The following ADGRG5 variants were observed in gnomAD, a reference collection of about 807,000 sequenced individuals.
ADGRG5 encodes the protein G protein-coupled receptor 114.
In ADGRG5, 37 loss-of-function variants were observed where a neutral mutation model predicts 53.2. The ratio of observed to expected loss-of-function variants is 0.70; its 90% CI spans 0.53 to 0.91. The LOEUF (loss-of-function observed/expected upper bound fraction) is 0.91. ADGRG5 is among the 40% of genes least tolerant of loss of function. The pLI is 0.00. For synonymous variants in ADGRG5, 277 were observed against 290.4 expected, an observed-to-expected ratio of 0.95 and a Z score of 0.47; for missense variants, 614 against 675.8, an observed-to-expected ratio of 0.91 and a Z score of 1.01.
At chr16:57,566,787 G>A in intron 7 of ADGRG5, 36 bp downstream of exon 7, 1 of 1,407,904 alleles carries the variant, frequency 7.1e-7, no homozygotes, top group Non-Finnish European at 9.3e-7. Context: ...CAGAGCTACA[G>A]AGGGCCCTGT....
chr16:57,563,926 C>G lies in ADGRG5; in HGVS notation c.376C>G (p.Pro126Ala). ...GACCCGGGACGCCTGCAAGACCCGC[C>G]CCAGGGAGCTGCGGCTCATCTGTAT... is the stretch of plus-strand genomic sequence containing the variant. ...ELTRDACKTR[P>A]RELRLICIYF... is the part of the protein sequence containing the mutation. Residue 126 changes from proline (P) to alanine (A), a missense_variant, in exon 5 of 12, where the codon CCC becomes GCC. By Grantham distance (27) the Pro-to-Ala change is conservative. Coordinates refer to ENST00000349457, the MANE Select transcript of ADGRG5 (RefSeq NM_001304376.3). 6.2e-7 allele frequency: 1 copy of G among 1,614,116 alleles called. No individual in the cohort carries two copies. Among genetic ancestry groups the G allele is most frequent in the Non-Finnish European group, 8.5e-7 (1 of 1,179,978 alleles).
chr16:57,534,983 G>A, the ADGRG5 span, among the ~76,000 whole-genome samples: 2 of 152,208 alleles, frequency 1.3e-5, no homozygotes, highest in Non-Finnish European at 2.9e-5. Flanking sequence ...GCCAGCTGAA[G>A]GGATGGGGAG....
At chr16:57,546,390 C>T (rs975883471) in intron 1 of ADGRG5, among the ~76,000 whole-genome samples, 4 of 152,102 alleles carry the variant, frequency 2.6e-5, no homozygotes, top group South Asian at 2.1e-4. Context: ...CCTACCAAAG[C>T]GCTGAGATTA....
chr16:57,533,694 GCA>G, the ADGRG5 span, among the ~76,000 whole-genome samples: 1 of 148,872 alleles, frequency 6.7e-6, no homozygotes, highest in Non-Finnish European at 1.5e-5. Flanking sequence ...CCAGTAACGT[GCA>G]CACACACACA....
At chr16:57,540,784 T>G (rs1255037509), upstream of ADGRG5, among the ~76,000 whole-genome samples, 1 of 151,944 alleles carries the variant, frequency 6.6e-6, no homozygotes, top group Non-Finnish European at 1.5e-5. Flanking sequence ...CCACCACTGG[T>G]TTTTTGTTTG....
chr16:57,568,984 TCCA>T (rs1293272213), intron 9 of ADGRG5, among the ~76,000 whole-genome samples: 1 of 140,894 alleles, frequency 7.1e-6, no homozygotes, highest in Non-Finnish European at 1.5e-5. Flanking sequence ...CATCACCTCC[TCCA>T]CCTTCATCAT....
intron 7 of ADGRG5, among the ~76,000 whole-genome samples, chr16:57,567,079 G>C (rs1482293979): frequency 2.0e-5 from 3 of 152,170 alleles, no homozygotes; most frequent in Non-Finnish European, 4.4e-5. Flanking sequence ...CTCATGCCCT[G>C]CTAGCTTTCA....
chr16:57,557,268 T>G (rs1177281605), intron 1 of ADGRG5, among the ~76,000 whole-genome samples: 1 of 152,220 alleles, frequency 6.6e-6, no homozygotes, highest in Non-Finnish European at 1.5e-5. Flanking sequence ...TGACAGATTT[T>G]TATTGAAAGA....
At chr16:57,545,054 G>A (rs9931050) in intron 1 of ADGRG5, among the ~76,000 whole-genome samples, 56,579 of 151,870 alleles carry the variant, frequency 0.37, 10,911 homozygotes, top group African/African-American at 0.47. Flanking sequence ...CTGGGATTAA[G>A]GCATGAGCCA....
intron 1 of ADGRG5, among the ~76,000 whole-genome samples, chr16:57,554,242 C>T (rs2032821835): frequency 6.6e-6 from 1 of 151,770 alleles, no homozygotes; most frequent in Admixed American, 6.6e-5. Context: ...GGTCATTGTA[C>T]TTTGTCCTTT....
At chr16:57,563,304 G>C in intron 4 of ADGRG5, 57 bp downstream of exon 4, 1 of 1,487,730 alleles carries the variant, frequency 6.7e-7, no homozygotes, top group South Asian at 1.1e-5. Flanking sequence ...AAGTCCTCCA[G>C]GCATTTAAGG....
At position 57,565,014 on chromosome 16, in the gene ADGRG5, T is replaced by G; in HGVS notation, c.430-20T>G. On this transcript the variant is annotated intron_variant, in intron 5 of 11. Coordinates refer to ENST00000349457, the MANE Select transcript of ADGRG5 (RefSeq NM_001304376.3). ...TCCCCATTTCCCCTCCACTCAGCCC[T>G]TCTCCTGCTGCCCTTCCAGGATGAA... The G allele has an allele frequency of 3.3e-6, 5 of 1,520,736 alleles. No homozygotes were observed. Among genetic ancestry groups the G allele is most frequent in the Non-Finnish European group, 4.6e-6 (5 of 1,095,948 alleles). 94.2% of individuals were successfully genotyped at this position (1,520,736 alleles called of 1,614,324 possible).
upstream of ADGRG5, among the ~76,000 whole-genome samples, chr16:57,538,430 T>C (rs1424048922): frequency 6.6e-6 from 1 of 152,116 alleles, no homozygotes; most frequent in African/African-American, 2.4e-5. Flanking sequence ...ATAGGGACAC[T>C]CTGTCTCTAC....
chr16:57,552,516 C>T lies in ADGRG5; in HGVS notation c.-38-9540C>T, dbSNP rs188777015. Among the ~76,000 whole-genome samples the T allele has an allele frequency of 5.6e-4, 86 of 152,282 alleles. 1 individual carries two copies. Among genetic ancestry groups the T allele is most frequent in the South Asian group, 2.5e-3 (12 of 4,826 alleles). ...ATGAACCAACCTCTGCTAGCTTCCA[C>T]GTTTTTTCAGCTTCCTCACCCACCT... On this transcript the variant is annotated intron_variant, in intron 1 of 11. Transcript: ENST00000349457.
At chr16:57,560,594 G>A (rs1479117449) in intron 1 of ADGRG5, among the ~76,000 whole-genome samples, 2 of 152,104 alleles carry the variant, frequency 1.3e-5, no homozygotes, top group Non-Finnish European at 2.9e-5. Flanking sequence ...ATGTGGGGAG[G>A]GGATATTGCT....
At position 57,574,418 on chromosome 16, in the gene ADGRG5, G is replaced by A. The variant is rs1446113128; in HGVS notation, c.1209-397G>A. On this transcript the variant is annotated intron_variant, in intron 10 of 11. Coordinates refer to ENST00000349457, the MANE Select transcript of ADGRG5 (RefSeq NM_001304376.3). This position sits in a 1 kb window ranked among gnomAD's most constrained non-coding sequence, Gnocchi z 4.4. ...GGTGGTGACAACCATGTAGTGGGGT[G>A]GAAGGGGAAGTTTCCAGGAAAGAGG... Among the ~76,000 whole-genome samples the A allele has an allele frequency of 6.6e-6, 1 of 152,244 alleles. No individual in the cohort carries two copies. Among genetic ancestry groups the A allele is most frequent in the African/African-American group, 2.4e-5 (1 of 41,464 alleles).
At chr16:57,570,264 C>T (rs1207253284) in intron 9 of ADGRG5, among the ~76,000 whole-genome samples, 154 bp from the exon 10 acceptor site, 1 of 152,226 alleles carries the variant, frequency 6.6e-6, no homozygotes, top group East Asian at 1.9e-4. Context: ...CTCCAAACCA[C>T]CAGGCTCATT....
At chr16:57,554,578 G>A (rs143121176) in intron 1 of ADGRG5, among the ~76,000 whole-genome samples, 4,534 of 151,918 alleles carry the variant, frequency 0.03, 110 homozygotes, top group Admixed American at 0.076. Context: ...GGGTTTCACC[G>A]TGTTAGCCAG....
At chr16:57,537,467 C>T in the ADGRG5 span, among the ~76,000 whole-genome samples, 1 of 152,206 alleles carries the variant, frequency 6.6e-6, no homozygotes, top group Non-Finnish European at 1.5e-5. Flanking sequence ...ATTGCAACCA[C>T]GCACGCCTTA....
Sources: allele counts gnomAD v4.1 joint callset (sites outside exome capture counted in the v4.1 genomes callset), GRCh38; gene constraint gnomAD v4.1.1; non-coding constraint Gnocchi (gnomAD v3.1); transcripts MANE v1.5; gene names NCBI Gene and HGNC (gene_info 2026-07-23, HGNC 2026-07-21).